The following KCTD8 variants were observed in gnomAD, a reference collection of about 807,000 sequenced individuals.
KCTD8 encodes BTB/POZ domain-containing protein KCTD8.
Under a neutral mutation model 31.5 loss-of-function variants are expected in KCTD8, and 27 were observed. The observed-to-expected ratio is 0.86, with a 90% CI of 0.63 to 1.18. The LOEUF (loss-of-function observed/expected upper bound fraction) is 1.18. KCTD8 is among the 50% of genes most tolerant of loss of function. KCTD8 has a pLI of 0.00. For missense variants in KCTD8, 658 were observed against 647.7 expected, an observed-to-expected ratio of 1.02 and a Z score of -0.17; for synonymous variants, 290 against 280.0, an observed-to-expected ratio of 1.04 and a Z score of -0.36.
At chr4:44,196,819 T>C (rs1189398389) in intron 1 of KCTD8, among the ~76,000 whole-genome samples, 1 of 152,152 alleles carries the variant, frequency 6.6e-6, no homozygotes, top group Non-Finnish European at 1.5e-5. Context: ...CACAGAGATT[T>C]TGCAGAGGCA....
chr4:44,378,646 A>T (rs1719980161), intron 1 of KCTD8, among the ~76,000 whole-genome samples: 1 of 152,088 alleles, frequency 6.6e-6, no homozygotes, highest in African/African-American at 2.4e-5. Context: ...CTTACAATTG[A>T]AAAAACAATG....
chr4:44,232,540 G>C (rs765581650), intron 1 of KCTD8, among the ~76,000 whole-genome samples: 11 of 152,106 alleles, frequency 7.2e-5, no homozygotes, highest in Non-Finnish European at 1.0e-4. Context: ...ATAGCCTAAA[G>C]AATGATGTGG....
intron 1 of KCTD8, among the ~76,000 whole-genome samples, chr4:44,353,101 A>G (rs1719255627): frequency 6.6e-6 from 1 of 152,130 alleles, no homozygotes; most frequent in Non-Finnish European, 1.5e-5. Flanking sequence ...TCAAAAAGTT[A>G]TCTTACCACA....
rs184159977 is a variant in KCTD8 at position 44,182,860 on chromosome 4, C to T, written c.962-7610G>A. On this transcript the variant is annotated intron_variant, in intron 1 of 1. Coordinates refer to ENST00000360029, the MANE Select transcript of KCTD8 (RefSeq NM_198353.3). ...AGCAAGTTGCTTACTTTCCTTGGGC[C>T]TCAGTCTCCTCATGTTTAAACGTCA... Among the ~76,000 whole-genome samples, 42 of 152,258 alleles carry T rather than the reference C, an allele frequency of 2.8e-4. No individual in the cohort carries two copies. The East Asian group carries it at 5.8e-3, about 21-fold the overall frequency.
intron 1 of KCTD8, among the ~76,000 whole-genome samples, chr4:44,358,028 C>A (rs536889051): frequency 4.6e-5 from 7 of 152,098 alleles, no homozygotes; most frequent in Admixed American, 2.0e-4. Flanking sequence ...AGGTATTTCT[C>A]CTAATGTTAT....
At chr4:44,426,149 A>G (rs1721340326) in intron 1 of KCTD8, among the ~76,000 whole-genome samples, 2 of 151,820 alleles carry the variant, frequency 1.3e-5, no homozygotes, top group Non-Finnish European at 2.9e-5. Flanking sequence ...GTAAGGTACC[A>G]TGTAAAAGGA....
intron 1 of KCTD8, among the ~76,000 whole-genome samples, chr4:44,208,233 C>T (rs150165630): frequency 2.4e-4 from 37 of 152,252 alleles, no homozygotes; most frequent in African/African-American, 5.3e-4. Flanking sequence ...ATGTGTTTAA[C>T]GAAAGGCACC....
chr4:44,226,596 G>A (rs1215899339), intron 1 of KCTD8, among the ~76,000 whole-genome samples: 2 of 152,128 alleles, frequency 1.3e-5, no homozygotes, highest in Non-Finnish European at 2.9e-5. Context: ...TCTGGTTCTA[G>A]ATCCTTGAGG....
chr4:44,370,367 A>T (rs879557390), intron 1 of KCTD8, among the ~76,000 whole-genome samples: 5 of 152,198 alleles, frequency 3.3e-5, no homozygotes, highest in Admixed American at 6.5e-5. Flanking sequence ...AAGGGTGTAA[A>T]AAGCTATATC....
rs564225333 is a variant in KCTD8, at chr4:44,211,439, A to T, written c.962-36189T>A. Among the ~76,000 whole-genome samples the T allele has an allele frequency of 7.9e-5, 12 of 152,244 alleles. No homozygotes were observed. The South Asian group carries it at 2.5e-3, about 32-fold the overall frequency. ...TTAGTTTAATAAAAATGCTGTTACA[A>T]CTCATTAGTCTTTCTCAATTCAACA... On this transcript the variant is annotated intron_variant, in intron 1 of 1. Transcript: ENST00000360029.
Position 44,174,859 on chromosome 4 carries a change from G to A in KCTD8, c.1353C>T (p.His451=), listed in dbSNP as rs890424732. The change falls in exon 2 of 2, where the codon CAC becomes CAT. Residue 451 remains histidine, a synonymous_variant. Transcript: ENST00000360029. ...KKCIQDFKKI[H]IPDYFPERKR... is the part of the protein sequence containing the mutation. ...TGCGCTCTGGAAAATAATCTGGAAT[G>A]TGGATTTTTTTAAAATCCTGAATAC... is the stretch of plus-strand genomic sequence containing the variant. 6 of 1,613,790 alleles carry A rather than the reference G, an allele frequency of 3.7e-6. No individual in the cohort carries two copies. In the African/African-American group the frequency reaches 8.0e-5, roughly 22 times the overall value.
chr4:44,408,361 T>A (rs886700888), intron 1 of KCTD8, among the ~76,000 whole-genome samples: 1 of 152,178 alleles, frequency 6.6e-6, no homozygotes, highest in Non-Finnish European at 1.5e-5. Context: ...AAACAAAAAA[T>A]TATGTAGCAT....
At chr4:44,415,319 G>C (rs1373665300) in intron 1 of KCTD8, among the ~76,000 whole-genome samples, 2 of 152,128 alleles carry the variant, frequency 1.3e-5, no homozygotes, top group African/African-American at 4.8e-5. Context: ...GAGAAGTAGA[G>C]CAAAAACATT....
intron 1 of KCTD8, among the ~76,000 whole-genome samples, chr4:44,431,881 G>A (rs1721514841): frequency 6.6e-6 from 1 of 151,494 alleles, no homozygotes; most frequent in Non-Finnish European, 1.5e-5. Flanking sequence ...GGTCAAAAAA[G>A]TGGCTAAAAG....
At chr4:44,405,241 T>TTGTG (rs1553906239) in intron 1 of KCTD8, among the ~76,000 whole-genome samples, 15 of 149,410 alleles carry the variant, frequency 1.0e-4, no homozygotes, top group Non-Finnish European at 1.9e-4. Context: ...AGCCAGGTGT[T>TTGTG]TTTGTTTGTT....
chr4:44,349,085 CACCACCACCACT>C (rs761267172), intron 1 of KCTD8, among the ~76,000 whole-genome samples: 1,700 of 135,668 alleles, frequency 0.013, 14 homozygotes, highest in African/African-American at 0.022. Flanking sequence ...CCACCACCAC[CACCACCACCACT>C]ACCACCAATG....
intron 1 of KCTD8, among the ~76,000 whole-genome samples, chr4:44,437,388 C>T (rs1405543284): frequency 6.6e-6 from 1 of 152,064 alleles, no homozygotes; most frequent in East Asian, 1.9e-4. Flanking sequence ...CTGTTTACTA[C>T]CACACCTTCA....
chr4:44,347,794 T>G (rs1719072414), intron 1 of KCTD8, among the ~76,000 whole-genome samples: 1 of 152,188 alleles, frequency 6.6e-6, no homozygotes, highest in African/African-American at 2.4e-5. Context: ...TTAGCAGTAT[T>G]ATATGCATAA....
At chr4:44,301,325 T>A (rs1192718442) in intron 1 of KCTD8, among the ~76,000 whole-genome samples, 1 of 152,102 alleles carries the variant, frequency 6.6e-6, no homozygotes, top group East Asian at 1.9e-4. Flanking sequence ...TAGTTTACAG[T>A]CCCACCAACA....
Sources: allele counts gnomAD v4.1 joint callset (sites outside exome capture counted in the v4.1 genomes callset), GRCh38; gene constraint gnomAD v4.1.1; transcripts MANE v1.5; gene names NCBI Gene and HGNC (gene_info 2026-07-23, HGNC 2026-07-21).